OR2Z1: variants seen among roughly 807,000 people sequenced by gnomAD.
The protein encoded by OR2Z1 is olfactory receptor family 2 subfamily Z member 1.
For missense variants in OR2Z1, 449 were observed against 401.8 expected (o/e 1.12, Z -1.00); for synonymous variants, 188 against 160.6 (o/e 1.17, Z -1.29).
intron 2 of OR2Z1, among the ~76,000 whole-genome samples, chr19:8,723,503 A>G (rs1190215630): frequency 2.6e-5 from 4 of 152,100 alleles, no homozygotes; most frequent in South Asian, 4.1e-4. Context: ...TCTAAATTCT[A>G]TAACTGCAGG....
At chr19:8,722,380 A>G (rs2043310979) in intron 1 of OR2Z1, among the ~76,000 whole-genome samples, 1 of 152,154 alleles carries the variant, frequency 6.6e-6, no homozygotes, top group Non-Finnish European at 1.5e-5. Flanking sequence ...ATGCCTGGTC[A>G]TAACGGACTG....
At chr19:8,724,523 T>C (rs1347201226) in intron 2 of OR2Z1, among the ~76,000 whole-genome samples, 1 of 152,180 alleles carries the variant, frequency 6.6e-6, no homozygotes, top group Non-Finnish European at 1.5e-5. Flanking sequence ...ACACCCAGCC[T>C]AATAGTGTGG....
Position 8,732,145 on chromosome 19 carries a change from G to A in OR2Z1, c.*172G>A, listed in dbSNP as rs1372784532. The A allele has an allele frequency of 1.3e-5, 8 of 610,916 alleles. No homozygotes were observed. Among genetic ancestry groups the A allele is most frequent in the Admixed American group, 5.9e-5 (2 of 33,708 alleles). The allele number at this position is 610,916 out of a possible 1,614,324, so 37.8% of individuals were successfully genotyped here. ...CCTTTTAAATTGAGGTAGAATACACGTAACATAAAATGAGCCACTTTGAAG... is the reference window on the plus strand; with the variant it reads ...CCTTTTAAATTGAGGTAGAATACACATAACATAAAATGAGCCACTTTGAAG... On this transcript the variant is annotated 3_prime_UTR_variant, in exon 3 of 3. Coordinates refer to ENST00000641125, the MANE Select transcript of OR2Z1 (RefSeq NM_001004699.3).
Position 8,731,319 on chromosome 19 carries a change from T to A in OR2Z1, c.291T>A (p.Gly97=). 1 of 1,614,080 alleles carries A rather than the reference T, an allele frequency of 6.2e-7. No individual in the cohort carries two copies. The highest frequency in any genetic ancestry group is 8.5e-7 in the Non-Finnish European group (1 of 1,179,990). Residue 97 remains glycine, a synonymous_variant, in exon 3 of 3, where the codon GGT becomes GGA. Coordinates refer to ENST00000641125, the MANE Select transcript of OR2Z1 (RefSeq NM_001004699.3). ...AAGGTGCCACCTCCTATGGAGGTGG[T>A]GCAGCTCAAATATTCTTCCTCACAC... ...RGEGATSYGG[G]AAQIFFLTLM...
intron 2 of OR2Z1, among the ~76,000 whole-genome samples, chr19:8,727,182 G>A (rs1018892209): frequency 2.0e-5 from 3 of 152,072 alleles, no homozygotes; most frequent in Non-Finnish European, 4.4e-5. Flanking sequence ...GGGTGCAAGC[G>A]ATCTTCCCAC....
In OR2Z1 at chr19:8,731,745, C is replaced by A; in HGVS notation, c.717C>A (p.Thr239=). The A allele has an allele frequency of 1.2e-6, 2 of 1,614,226 alleles. No homozygotes were observed. Among genetic ancestry groups the A allele is most frequent in the South Asian group, 1.1e-5 (1 of 91,084 alleles). Residue 239 remains threonine, a synonymous_variant, in exon 3 of 3, where the codon ACC becomes ACA. Transcript: ENST00000641125. The stretch of plus-strand genomic sequence containing the variant: ...AGGAGGCCAGACACAAGGCTGTCAC[C>A]ACCTGCTCCTCGCACATCACGGTAG... ...RSEEARHKAV[T]TCSSHITVVG...
intron 2 of OR2Z1, among the ~76,000 whole-genome samples, chr19:8,726,435 A>G (rs2043327849): frequency 6.6e-6 from 1 of 152,210 alleles, no homozygotes; most frequent in South Asian, 2.1e-4. Context: ...GTGGGTGGGG[A>G]CACAGGTCCA....
intron 2 of OR2Z1, among the ~76,000 whole-genome samples, chr19:8,725,659 G>A (rs533375663): frequency 3.3e-5 from 5 of 152,262 alleles, no homozygotes; most frequent in African/African-American, 1.2e-4. Context: ...CCACACAGCT[G>A]CCCTCATTAA....
intron 2 of OR2Z1, among the ~76,000 whole-genome samples, chr19:8,724,666 C>T (rs989990977): frequency 6.6e-6 from 1 of 152,086 alleles, no homozygotes; most frequent in Non-Finnish European, 1.5e-5. Context: ...TCATTTTTTC[C>T]ATTTTCGGGG....
intron 1 of OR2Z1, among the ~76,000 whole-genome samples, chr19:8,722,585 T>A (rs1351110201): frequency 2.0e-5 from 3 of 152,206 alleles, no homozygotes; most frequent in Non-Finnish European, 4.4e-5. Flanking sequence ...GATTTAGGAA[T>A]CACTGTGAGA....
At chr19:8,729,046 G>C in intron 2 of OR2Z1, 1 of 1,083,976 alleles carries the variant, frequency 9.2e-7, no homozygotes, top group Admixed American at 1.7e-5. Flanking sequence ...TGCCTCCGGA[G>C]TCACAGTGTC....
chr19:8,728,961 G>T (rs2043339134), intron 2 of OR2Z1: 1 of 684,334 alleles, frequency 1.5e-6, no homozygotes, highest in Non-Finnish European at 2.7e-6. Flanking sequence ...GGACTCAGTG[G>T]TCAGCGGCAA....
In OR2Z1 at chr19:8,724,050, A is replaced by G. The variant is rs530473519; in HGVS notation, c.-170+900A>G. Among the ~76,000 whole-genome samples, 47 of 150,442 alleles carry G rather than the reference A, an allele frequency of 3.1e-4. No homozygotes were observed. The South Asian group carries it at 9.6e-3, about 31-fold the overall frequency. ...TGTGTGAAGCAAATCTTGAATATCTATTACAGTGTTTGGAGATGTGTGAAA... is the reference window on the plus strand; with the variant it reads ...TGTGTGAAGCAAATCTTGAATATCTGTTACAGTGTTTGGAGATGTGTGAAA... On this transcript the variant is annotated intron_variant, in intron 2 of 2. Coordinates refer to ENST00000641125, the MANE Select transcript of OR2Z1 (RefSeq NM_001004699.3).
chr19:8,726,554 C>A (rs188994516), intron 2 of OR2Z1, among the ~76,000 whole-genome samples: 1 of 152,256 alleles, frequency 6.6e-6, no homozygotes, highest in East Asian at 1.9e-4. Flanking sequence ...CCCTGCACTT[C>A]CCCCTATCAC....
At position 8,731,264 on chromosome 19, in the gene OR2Z1, CCAAGATGGCAT is replaced by C; in HGVS notation, c.239_249del (p.Lys80ArgfsTer28). On this transcript the variant is annotated frameshift_variant, in exon 3 of 3. Transcript: ENST00000641125. LOFTEE classifies it low-confidence loss of function (END_TRUNC). ...ATTGGCTGTCCCATGGTCACCATCC[CCAAGATGGCAT>C]CAGACTTTCTGCGGGGAGAAGGTGC... is the stretch of plus-strand genomic sequence containing the variant. 2 of 1,614,090 alleles carry C rather than the reference CCAAGATGGCAT, an allele frequency of 1.2e-6. No homozygotes were observed. The highest frequency in any genetic ancestry group is 2.2e-5 in the South Asian group (2 of 91,072).
chr19:8,729,768 T>C (rs1353656665), intron 2 of OR2Z1, among the ~76,000 whole-genome samples: 5 of 152,140 alleles, frequency 3.3e-5, no homozygotes, highest in African/African-American at 1.2e-4. Flanking sequence ...TTTTGTATTT[T>C]TAGTAGAGAT....
At chr19:8,728,854 C>T in intron 2 of OR2Z1, 1 of 641,724 alleles carries the variant, frequency 1.6e-6, no homozygotes, top group South Asian at 1.4e-5. Flanking sequence ...ACATCCATGT[C>T]ATAGAGCTAC....
intron 2 of OR2Z1, among the ~76,000 whole-genome samples, chr19:8,724,538 T>C (rs2043320231): frequency 6.6e-6 from 1 of 152,204 alleles, no homozygotes. Context: ...GTGTGGTTAT[T>C]GTTATTGTCA....
In OR2Z1 at chr19:8,729,149, ACTTTGG is replaced by A. The variant is rs1208400516; in HGVS notation, c.-169-1707_-169-1702del. ...TGCCTTCTTGGCCTTTAAAGCCTTC[ACTTTGG>A]CTTCGGCTTTAGGAGGGGCAGGAGC... is the stretch of plus-strand genomic sequence containing the variant. On this transcript the variant is annotated intron_variant, in intron 2 of 2. Transcript: ENST00000641125. The A allele has an allele frequency of 9.7e-6, 12 of 1,236,072 alleles. No homozygotes were observed. In the East Asian group the frequency reaches 2.2e-4, roughly 22 times the overall value. The allele number at this position is 1,236,072 out of a possible 1,614,324, so 76.6% of individuals were successfully genotyped here. A position where few individuals can be genotyped will look rare whatever the true frequency, so the allele number is the denominator to read the frequency against.
Sources: gnomAD v4.1 joint callset for allele counts (sites outside exome capture counted in the v4.1 genomes callset) on GRCh38, gnomAD v4.1.1 for gene constraint, MANE v1.5 for transcripts, NCBI Gene and HGNC (gene_info 2026-07-23, HGNC 2026-07-21) for gene names.